SPTLC3: variants seen among roughly 807,000 people sequenced by gnomAD.
The protein encoded by SPTLC3 is serine palmitoyltransferase 3.
In SPTLC3, 36 loss-of-function variants were observed where a neutral mutation model predicts 59.3. The observed-to-expected ratio is 0.61, with a 90% CI of 0.47 to 0.80. The LOEUF (loss-of-function observed/expected upper bound fraction) is 0.80. Ranked by LOEUF, SPTLC3 falls within the 30% of genes least tolerant of loss-of-function variation. SPTLC3 has a pLI of 0.00. For synonymous variants in SPTLC3, 257 were observed against 240.8 expected (o/e 1.07, Z -0.62); for missense variants, 625 against 685.1 (o/e 0.91, Z 0.98).
At chr20:13,090,039 T>C (rs1989160338) in intron 4 of SPTLC3, among the ~76,000 whole-genome samples, 1 of 152,196 alleles carries the variant, frequency 6.6e-6, no homozygotes, top group African/African-American at 2.4e-5. Context: ...AGTTTCTCAA[T>C]TGCACTAACC....
intron 11 of SPTLC3, 104 bp downstream of exon 11, chr20:13,160,236 AT>A: frequency 7.3e-7 from 1 of 1,375,634 alleles, no homozygotes; most frequent in Non-Finnish European, 9.6e-7. Context: ...CTCTTGGGTT[AT>A]TTAGGAAAAC....
intron 3 of SPTLC3, chr20:13,074,120 G>A: frequency 1.4e-6 from 1 of 698,164 alleles, no homozygotes; most frequent in South Asian, 1.5e-5. Flanking sequence ...GGACTAAAGT[G>A]CCCGGCACTG....
intron 1 of SPTLC3, among the ~76,000 whole-genome samples, chr20:13,028,021 G>T (rs774931172): frequency 1.4e-4 from 21 of 152,066 alleles, no homozygotes; most frequent in Admixed American, 6.6e-5. Flanking sequence ...ACCCAGCAAG[G>T]GCACACGAGT....
At chr20:13,021,937 C>G (rs1031075931) in intron 1 of SPTLC3, among the ~76,000 whole-genome samples, 2 of 152,064 alleles carry the variant, frequency 1.3e-5, no homozygotes, top group African/African-American at 4.8e-5. Context: ...TAGGCATTTC[C>G]AACTGACTAC....
rs182406377 is a variant in SPTLC3, at chr20:13,047,424, C to A, written c.118-1521C>A. On this transcript the variant is annotated intron_variant, in intron 1 of 11. Coordinates refer to ENST00000399002, the MANE Select transcript of SPTLC3 (RefSeq NM_018327.4). ...ATATATGTATAAGCTAAATTAGTACCTTAAATATTAGTAGAGATCTGACAA... is the reference window on the plus strand; with the variant it reads ...ATATATGTATAAGCTAAATTAGTACATTAAATATTAGTAGAGATCTGACAA... Among the ~76,000 whole-genome samples the A allele has an allele frequency of 4.1e-4, 62 of 152,012 alleles. 2 individuals are homozygous for A. Among genetic ancestry groups the A allele is most frequent in the South Asian group, 3.1e-3 (15 of 4,802 alleles).
chr20:13,125,316 A>G (rs568158994), intron 8 of SPTLC3, among the ~76,000 whole-genome samples: 1 of 152,344 alleles, frequency 6.6e-6, no homozygotes, highest in South Asian at 2.1e-4. Context: ...TCAGCATTCC[A>G]AAGAGTGTTA....
chr20:13,058,067 A>G (rs1053322053), intron 2 of SPTLC3, among the ~76,000 whole-genome samples: 1 of 152,218 alleles, frequency 6.6e-6, no homozygotes, highest in African/African-American at 2.4e-5. Flanking sequence ...GGTATTTCCT[A>G]GTACCCACAC....
rs200925564 is a variant in SPTLC3, at chr20:13,121,817, C to CA, written c.1152+4100dup. Among the ~76,000 whole-genome samples, 20 of 151,664 alleles carry CA rather than the reference C, an allele frequency of 1.3e-4. No homozygotes were observed. The East Asian group carries it at 1.4e-3, about 10-fold the overall frequency. Reference sequence around the variant, plus strand: ...ACCCTGAGAGAAAGCAAACTCAGTCCAAAAAAAATAAAATTTTGGGCAAGA... The same window carrying CA: ...ACCCTGAGAGAAAGCAAACTCAGTCCAAAAAAAAATAAAATTTTGGGCAAGA... On this transcript the variant is annotated intron_variant, in intron 8 of 11. Transcript: ENST00000399002.
At chr20:13,040,045 ACGTG>A (rs1367340518) in intron 1 of SPTLC3, among the ~76,000 whole-genome samples, 2 of 77,574 alleles carry the variant, frequency 2.6e-5, no homozygotes, top group Non-Finnish European at 6.2e-5. Flanking sequence ...GTATGCATGT[ACGTG>A]TGTGTGTGTG....
chr20:13,122,436 C>A (rs2037888471), intron 8 of SPTLC3, among the ~76,000 whole-genome samples: 1 of 152,160 alleles, frequency 6.6e-6, no homozygotes, highest in African/African-American at 2.4e-5. Flanking sequence ...TTCTCCTGGA[C>A]CCCCTCACAC....
At chr20:13,080,924 TG>T (rs1248861307) in intron 4 of SPTLC3, among the ~76,000 whole-genome samples, 1 of 152,170 alleles carries the variant, frequency 6.6e-6, no homozygotes, top group Admixed American at 6.5e-5. Context: ...ATATATTTGG[TG>T]GATCTGTTTA....
chr20:13,119,738 C>G (rs1305139776), intron 8 of SPTLC3, among the ~76,000 whole-genome samples: 1 of 152,152 alleles, frequency 6.6e-6, no homozygotes, highest in Non-Finnish European at 1.5e-5. Flanking sequence ...GGCAGAGATT[C>G]GTTAGCCTAC....
chr20:13,113,626 G>T (rs192539914), intron 7 of SPTLC3, among the ~76,000 whole-genome samples: 6 of 152,266 alleles, frequency 3.9e-5, no homozygotes, highest in African/African-American at 9.6e-5. Flanking sequence ...TGGGACCTAG[G>T]TTCAAATCCT....
intron 2 of SPTLC3, among the ~76,000 whole-genome samples, chr20:13,061,578 A>G (rs1047449016): frequency 3.9e-5 from 6 of 152,010 alleles, no homozygotes; most frequent in Non-Finnish European, 7.4e-5. Flanking sequence ...TCTTTTCACA[A>G]TCTCCAGGTA....
Position 13,009,219 on chromosome 20 carries a change from C to T in SPTLC3, c.-49C>T. ...CTCGCAGACTGAAAACTAAAGCCTG[C>T]AGAGACCTCTGAAGGAAAACCTGTC... On this transcript the variant is annotated 5_prime_UTR_variant, in exon 1 of 12. Coordinates refer to ENST00000399002, the MANE Select transcript of SPTLC3 (RefSeq NM_018327.4). The T allele has an allele frequency of 6.6e-7, 1 of 1,507,918 alleles. No homozygotes were observed. The highest frequency in any genetic ancestry group is 9.2e-7 in the Non-Finnish European group (1 of 1,085,028). 93.4% of individuals were successfully genotyped at this position (1,507,918 alleles called of 1,614,324 possible). A position where few individuals can be genotyped will look rare whatever the true frequency, so the allele number is the denominator to read the frequency against.
intron 2 of SPTLC3, among the ~76,000 whole-genome samples, chr20:13,071,061 GC>G (rs1341679654): frequency 2.0e-5 from 3 of 152,122 alleles, no homozygotes; most frequent in Non-Finnish European, 4.4e-5. Flanking sequence ...TGTCCAAAGT[GC>G]TTGGCTTAGA....
intron 2 of SPTLC3, among the ~76,000 whole-genome samples, chr20:13,051,992 A>C (rs1204886057): frequency 6.6e-6 from 1 of 152,050 alleles, no homozygotes; most frequent in East Asian, 1.9e-4. Context: ...ACAAATAGAC[A>C]CTGTAAGGCC....
At chr20:13,067,044 C>CATATATATATAT (rs143918659) in intron 2 of SPTLC3, among the ~76,000 whole-genome samples, 2 of 71,086 alleles carry the variant, frequency 2.8e-5, no homozygotes, top group African/African-American at 3.9e-5. Flanking sequence ...GTCACTTCTA[C>CATATATATATAT]ATATATATAT....
rs1333085408 is a variant in SPTLC3 at position 13,165,697 on chromosome 20, A to G, written c.*830A>G. On this transcript the variant is annotated 3_prime_UTR_variant, in exon 12 of 12. Transcript: ENST00000399002. ...TGAATGCTTACCCTGCACAGCCTCT[A>G]TTACCTTAAGGAATTAGTTGTCATT... 6.6e-6 allele frequency: 1 copy of G among 152,224 alleles called. No individual in the cohort carries two copies. Among genetic ancestry groups the G allele is most frequent in the East Asian group, 1.9e-4 (1 of 5,196 alleles). 9.4% of individuals were successfully genotyped at this position (152,224 alleles called of 1,614,324 possible).
Sources: gnomAD v4.1 joint callset for allele counts (sites outside exome capture counted in the v4.1 genomes callset) on GRCh38, gnomAD v4.1.1 for gene constraint, MANE v1.5 for transcripts, NCBI Gene and HGNC (gene_info 2026-07-23, HGNC 2026-07-21) for gene names.